Variants in SVEP1 observed in about 807,000 individuals in gnomAD.
SVEP1 encodes the protein sushi, von Willebrand factor type A, EGF and pentraxin domain-containing protein 1.
A neutral mutation model predicts 367.3 loss-of-function variants in SVEP1; 164 were observed. The observed-to-expected ratio is 0.45, with a 90% CI of 0.39 to 0.51. SVEP1 has a LOEUF of 0.51. Among genes scored for constraint, SVEP1 ranks in the 20% least tolerant of loss-of-function variants. The probability of loss-of-function intolerance (pLI) is 0.00; values close to 1 mark genes in which losing one functional copy is unlikely to be tolerated. For missense variants in SVEP1, 4,117 were observed against 4,425.3 expected, an observed-to-expected ratio of 0.93 and a Z score of 1.98; for synonymous variants, 1,666 against 1,611.6, an observed-to-expected ratio of 1.03 and a Z score of -0.81.
intron 9 of SVEP1, among the ~76,000 whole-genome samples, 195 bp downstream of exon 9, chr9:110,489,455 G>C (rs146927955): frequency 1.3e-5 from 2 of 152,166 alleles, no homozygotes; most frequent in Non-Finnish European, 2.9e-5. Flanking sequence ...AAGAGAGCAC[G>C]TGCAGGGGAA....
rs1827283023 is a variant in SVEP1 at position 110,371,893 on chromosome 9, C to A, written c.10601-1877G>T. ...CTCTATTGTAAGTCTTGCTTTCTTC[C>A]ACTTTTCATACTGCTGCCAAAATCA... On this transcript the variant is annotated intron_variant, in intron 46 of 47. Transcript: ENST00000374469. Among the ~76,000 whole-genome samples the A allele has an allele frequency of 2.0e-5, 3 of 152,196 alleles. No individual in the cohort carries two copies. In the South Asian group the frequency reaches 6.2e-4, roughly 31 times the overall value.
rs184213922 is a variant in SVEP1, at chr9:110,536,814, T to A, written c.964+9301A>T. Reference sequence around the variant, plus strand: ...TGCACCCATTAACTCGTCATTTACATTAGGTATCCTCCTTAACTCATTTTA... The same window carrying A: ...TGCACCCATTAACTCGTCATTTACAATAGGTATCCTCCTTAACTCATTTTA... On this transcript the variant is annotated intron_variant, in intron 3 of 47. Coordinates refer to ENST00000374469, the MANE Select transcript of SVEP1 (RefSeq NM_153366.4). Among the ~76,000 whole-genome samples the A allele has an allele frequency of 2.2e-4, 33 of 152,104 alleles. No individual in the cohort carries two copies. The East Asian group carries it at 5.0e-3, about 23-fold the overall frequency.
At position 110,408,606 on chromosome 9, in the gene SVEP1, G is replaced by A; in HGVS notation, c.6994C>T (p.Gln2332Ter). ...KCPEPPLLEN[Q>*]LVLKELTTEV... ...GTGGTCAACTCCTTTAATACTAGCT[G>A]GTTTTCCAAGAGGGGCGGCTCTGGG... is the stretch of plus-strand genomic sequence containing the variant. Residue 2332 changes from glutamine (Q) to a stop codon, truncating the protein, a stop_gained, in exon 38 of 48, where the codon CAG (glutamine) becomes TAG (stop). Coordinates refer to ENST00000374469, the MANE Select transcript of SVEP1 (RefSeq NM_153366.4). LOFTEE classifies it high-confidence loss of function. 6.2e-7 allele frequency: 1 copy of A among 1,613,922 alleles called. No individual in the cohort carries two copies. The highest frequency in any genetic ancestry group is 8.5e-7 in the Non-Finnish European group (1 of 1,179,888).
chr9:110,569,405 G>A (rs1004926527), intron 1 of SVEP1, among the ~76,000 whole-genome samples: 6 of 143,036 alleles, frequency 4.2e-5, no homozygotes, highest in Non-Finnish European at 7.5e-5. Context: ...GTGGTGAGCC[G>A]AGATTGCGCC....
intron 2 of SVEP1, 138 bp downstream of exon 2, chr9:110,549,711 G>A (rs1830258996): frequency 8.9e-7 from 1 of 1,126,184 alleles, no homozygotes; most frequent in South Asian, 1.6e-5. Context: ...ATTTCATGAT[G>A]CCCAAAGGAC....
At chr9:110,392,414 T>C (rs1827675165) in intron 40 of SVEP1, among the ~76,000 whole-genome samples, 1 of 151,840 alleles carries the variant, frequency 6.6e-6, no homozygotes, top group South Asian at 2.1e-4. Flanking sequence ...ATTCATTTTG[T>C]GTGTGTGTGG....
At chr9:110,514,298 G>T in intron 3 of SVEP1, 192 bp from the exon 4 acceptor site, 1 of 636,578 alleles carries the variant, frequency 1.6e-6, no homozygotes. Flanking sequence ...GATCACCTGA[G>T]GTCAGGAGTT....
chr9:110,537,307 A>T (rs1446175878), intron 3 of SVEP1, among the ~76,000 whole-genome samples: 1 of 152,022 alleles, frequency 6.6e-6, no homozygotes, highest in Non-Finnish European at 1.5e-5. Context: ...ATGAATAATA[A>T]AAATCCATGG....
At chr9:110,430,123 G>GT (rs559572672) in intron 33 of SVEP1, 119 bp from the exon 34 acceptor site, 13,295 of 908,312 alleles carry the variant, frequency 0.015, no homozygotes, top group East Asian at 0.038. Context: ...TTTTTTTTTT[G>GT]GTGTGTGTGT....
intron 8 of SVEP1, 126 bp from the exon 9 acceptor site, chr9:110,489,905 C>G: frequency 8.5e-7 from 1 of 1,175,748 alleles, no homozygotes; most frequent in Non-Finnish European, 1.1e-6. Context: ...GAAAAAGGCA[C>G]AGCTTTCTGG....
intron 42 of SVEP1, among the ~76,000 whole-genome samples, chr9:110,386,618 TA>T (rs1827526857): frequency 6.6e-6 from 1 of 152,078 alleles, no homozygotes; most frequent in Non-Finnish European, 1.5e-5. Flanking sequence ...GTTTTATTGA[TA>T]AAGATGGATT....
At chr9:110,496,348 G>C (rs1374700182) in intron 8 of SVEP1, among the ~76,000 whole-genome samples, 1 of 152,222 alleles carries the variant, frequency 6.6e-6, no homozygotes, top group Non-Finnish European at 1.5e-5. Context: ...ACCTTGGCTA[G>C]AATAAAGCAG....
chr9:110,499,336 A>G, intron 6 of SVEP1, 98 bp from the exon 7 acceptor site: 1 of 1,108,268 alleles, frequency 9.0e-7, no homozygotes, highest in Admixed American at 2.7e-5. Context: ...ATGCTGCCTT[A>G]GGATTTACGT....
At chr9:110,389,116 A>G (rs1029026481) in intron 41 of SVEP1, among the ~76,000 whole-genome samples, 1 of 152,226 alleles carries the variant, frequency 6.6e-6, no homozygotes, top group African/African-American at 2.4e-5. Context: ...CATGCAAAAT[A>G]TTAATATTAA....
rs1286277621 is a variant in SVEP1, at chr9:110,390,237, ATGTG to A, written c.9823-654_9823-651del. On this transcript the variant is annotated intron_variant, in intron 40 of 47. Coordinates refer to ENST00000374469, the MANE Select transcript of SVEP1 (RefSeq NM_153366.4). ...TACTTGTATATATACTTATATAAGT[ATGTG>A]TATATATACTTATATAAGTATGTAT... Among the ~76,000 whole-genome samples the A allele has an allele frequency of 3.9e-4, 48 of 123,796 alleles. 2 individuals are homozygous for A. The highest frequency in any genetic ancestry group is 1.5e-3 in the African/African-American group (47 of 30,884). The allele number at this position is 123,796 out of a possible 152,430, so 81.2% of individuals were successfully genotyped here.
At chr9:110,477,113 T>C (rs1829107874) in intron 13 of SVEP1, among the ~76,000 whole-genome samples, 1 of 152,202 alleles carries the variant, frequency 6.6e-6, no homozygotes, top group African/African-American at 2.4e-5. Flanking sequence ...TTCTCTCTTG[T>C]ATTCCAGCCT....
At chr9:110,563,020 A>T (rs781597508) in intron 1 of SVEP1, among the ~76,000 whole-genome samples, 14 of 152,228 alleles carry the variant, frequency 9.2e-5, no homozygotes, top group African/African-American at 3.4e-4. Context: ...AAATAAGTGT[A>T]AAAGAACTTA....
rs78574384 is a variant in SVEP1, at chr9:110,383,073, T to C, written c.10237+2825A>G. Among the ~76,000 whole-genome samples, 741 of 152,346 alleles carry C rather than the reference T, an allele frequency of 4.9e-3. 2 individuals carry two copies. The highest frequency in any genetic ancestry group is 0.014 in the South Asian group (66 of 4,834). Reference sequence around the variant, plus strand: ...CCTACTTCTTTCAATTCATCAATCCTAGCCTCTGCCCAATTCTGTGCTTTT... The same window carrying C: ...CCTACTTCTTTCAATTCATCAATCCCAGCCTCTGCCCAATTCTGTGCTTTT... On this transcript the variant is annotated intron_variant, in intron 43 of 47. Coordinates refer to ENST00000374469, the MANE Select transcript of SVEP1 (RefSeq NM_153366.4).
Position 110,417,233 on chromosome 9 carries a change from C to T in SVEP1, c.5976-5498G>A, listed in dbSNP as rs951137426. On this transcript the variant is annotated intron_variant, in intron 36 of 47. Coordinates refer to ENST00000374469, the MANE Select transcript of SVEP1 (RefSeq NM_153366.4). ...GTTCATCTCACTAGGGAGTGCCAGA[C>T]GGTGGGCGCAGGCCAGTGTGTGTGC... Among the ~76,000 whole-genome samples the T allele has an allele frequency of 1.9e-4, 27 of 145,742 alleles. No individual in the cohort carries two copies. The East Asian group carries it at 2.5e-3, about 13-fold the overall frequency.
Sources: gnomAD v4.1 joint callset for allele counts (sites outside exome capture counted in the v4.1 genomes callset) on GRCh38, gnomAD v4.1.1 for gene constraint, MANE v1.5 for transcripts, NCBI Gene and HGNC (gene_info 2026-07-23, HGNC 2026-07-21) for gene names.